The following PCDH15 variants were observed in gnomAD, a reference collection of about 807,000 sequenced individuals.
The protein encoded by PCDH15 is protocadherin related 15.
A neutral mutation model predicts 178.5 loss-of-function variants in PCDH15; 129 were observed. The ratio of observed to expected loss-of-function variants is 0.72; its 90% CI spans 0.63 to 0.84. PCDH15 has a LOEUF of 0.84. Among genes scored for constraint, PCDH15 ranks in the 40% least tolerant of loss-of-function variants. The pLI, the probability that PCDH15 is intolerant of heterozygous loss-of-function variation, is 0.00. For synonymous variants in PCDH15, 800 were observed against 732.0 expected, an observed-to-expected ratio of 1.09 and a Z score of -1.50; for missense variants, 2,230 against 2,099.9, an observed-to-expected ratio of 1.06 and a Z score of -1.21.
chr10:54,170,091 C>T (rs916171443), intron 13 of PCDH15, among the ~76,000 whole-genome samples: 1 of 129,230 alleles, frequency 7.7e-6, no homozygotes, highest in Non-Finnish European at 1.7e-5. Flanking sequence ...CCATCAAGCT[C>T]AGCAAATTAC....
chr10:53,925,090 T>C (rs1484454210), intron 25 of PCDH15, among the ~76,000 whole-genome samples: 1 of 152,158 alleles, frequency 6.6e-6, no homozygotes, highest in Non-Finnish European at 1.5e-5. Context: ...CTGCCCCAGC[T>C]AGCTGTGGCA....
At chr10:54,330,629 C>G (rs1939309860) in intron 6 of PCDH15, among the ~76,000 whole-genome samples, 1 of 151,774 alleles carries the variant, frequency 6.6e-6, no homozygotes, top group African/African-American at 2.4e-5. Context: ...TAGTTAAGTT[C>G]TCTGCCCTGT....
intron 2 of PCDH15, among the ~76,000 whole-genome samples, chr10:54,528,108 A>G (rs1276389012): frequency 6.6e-6 from 1 of 152,088 alleles, no homozygotes; most frequent in Non-Finnish European, 1.5e-5. Flanking sequence ...AATCTTACTG[A>G]GAAAACACCA....
At chr10:55,424,802 A>C (rs142423168) in intron 2 of PCDH15, among the ~76,000 whole-genome samples, 1 of 152,122 alleles carries the variant, frequency 6.6e-6, no homozygotes, top group Non-Finnish European at 1.5e-5. Context: ...AGTGCCAAAC[A>C]TCAATTTCTA....
chr10:54,827,832 G>A (rs1350106209), intron 3 of PCDH15, among the ~76,000 whole-genome samples: 1 of 152,052 alleles, frequency 6.6e-6, no homozygotes, highest in East Asian at 1.9e-4. Flanking sequence ...TTCAATATGA[G>A]TAATTTGGAA....
chr10:55,367,492 G>A (rs1845395770), intron 2 of PCDH15, among the ~76,000 whole-genome samples: 1 of 151,994 alleles, frequency 6.6e-6, no homozygotes, highest in Non-Finnish European at 1.5e-5. Flanking sequence ...GAGGTGGGAA[G>A]GTAACTTGGG....
chr10:54,884,057 A>G (rs1954308906), intron 3 of PCDH15, among the ~76,000 whole-genome samples: 1 of 152,074 alleles, frequency 6.6e-6, no homozygotes, highest in African/African-American at 2.4e-5. Context: ...GTGAGGTAAT[A>G]TCATGAGATT....
At chr10:54,344,904 C>CCAAAAAAAAAAAAAAAAA (rs58908008) in intron 6 of PCDH15, among the ~76,000 whole-genome samples, 1 of 78,888 alleles carries the variant, frequency 1.3e-5, no homozygotes, top group Non-Finnish European at 2.3e-5. Context: ...AGAAACAAAG[C>CCAAAAAAAAAAAAAAAAA]AAAAAAAAAA....
chr10:53,942,039 A>G (rs556838707), intron 23 of PCDH15, among the ~76,000 whole-genome samples: 54 of 152,210 alleles, frequency 3.5e-4, no homozygotes, highest in Non-Finnish European at 6.8e-4. Context: ...TAGGCTTTAT[A>G]AATATCTGGT....
rs1454029449 is a variant in PCDH15, at chr10:55,604,405, G to T, written c.-156+23220C>A. 4.0e-5 allele frequency among the ~76,000 whole-genome samples: 6 copies of T among 151,606 alleles called. No individual in the cohort carries two copies. In the East Asian group the frequency reaches 5.8e-4, roughly 15 times the overall value. On this transcript the variant is annotated intron_variant, in intron 2 of 5. Transcript: ENST00000613346. ...CTGCACCAAGCGGACCTAATAGACAGCTACAGAACTCTCCACCCCATATCA... is the reference window on the plus strand; with the variant it reads ...CTGCACCAAGCGGACCTAATAGACATCTACAGAACTCTCCACCCCATATCA...
intron 2 of PCDH15, among the ~76,000 whole-genome samples, chr10:54,544,444 T>C (rs1343420882): frequency 6.7e-6 from 1 of 148,842 alleles, no homozygotes; most frequent in Non-Finnish European, 1.5e-5. Context: ...TAACATATGA[T>C]GTGGAAAGTT....
chr10:54,336,938 G>C (rs1457635506), intron 6 of PCDH15, among the ~76,000 whole-genome samples: 2 of 152,256 alleles, frequency 1.3e-5, no homozygotes, highest in African/African-American at 4.8e-5. Context: ...CAACAGGGGT[G>C]GAGCTGCCCA....
At chr10:55,368,772 CTT>C (rs1161877944) in intron 2 of PCDH15, among the ~76,000 whole-genome samples, 1 of 151,996 alleles carries the variant, frequency 6.6e-6, no homozygotes, top group Non-Finnish European at 1.5e-5. Flanking sequence ...AAATGACACT[CTT>C]TTGACACTTG....
intron 19 of PCDH15, among the ~76,000 whole-genome samples, chr10:54,022,055 A>T (rs1207577195): frequency 6.6e-6 from 1 of 151,992 alleles, no homozygotes; most frequent in Non-Finnish European, 1.5e-5. Flanking sequence ...TGGAAGGGAT[A>T]CAGAGTCTGG....
chr10:54,419,693 T>C (rs1471690361), intron 3 of PCDH15, among the ~76,000 whole-genome samples: 3 of 152,124 alleles, frequency 2.0e-5, no homozygotes, highest in Non-Finnish European at 4.4e-5. Context: ...CAATGTGCAG[T>C]TATTTCTCCC....
Position 53,857,266 on chromosome 10 carries a change from G to C in PCDH15, c.3718-3C>G, listed in dbSNP as rs755749920. On this transcript the variant is annotated splice_region_variant and splice_polypyrimidine_tract_variant and intron_variant, in intron 27 of 37. Transcript: ENST00000644397. The stretch of plus-strand genomic sequence containing the variant: ...TCCAGCTGATTGACCACGGAGACCT[G>C]AAAGAAGAAAAAACAGAATTCATTT... 24 of 1,605,888 alleles carry C rather than the reference G, an allele frequency of 1.5e-5. No individual in the cohort carries two copies. The highest frequency in any genetic ancestry group is 5.4e-5 in the African/African-American group (4 of 74,556).
chr10:54,739,907 TA>T (rs1944572220), intron 1 of PCDH15, among the ~76,000 whole-genome samples: 1 of 151,976 alleles, frequency 6.6e-6, no homozygotes, highest in Non-Finnish European at 1.5e-5. Flanking sequence ...TACTTAAACG[TA>T]AAACCTAAAC....
chr10:54,532,023 A>G (rs1426569629), intron 2 of PCDH15, among the ~76,000 whole-genome samples: 3 of 152,122 alleles, frequency 2.0e-5, no homozygotes, highest in Non-Finnish European at 4.4e-5. Flanking sequence ...TTTAATTCCT[A>G]AAGAAAAACT....
At chr10:55,101,275 C>T (rs996386313) in intron 2 of PCDH15, among the ~76,000 whole-genome samples, 3 of 151,966 alleles carry the variant, frequency 2.0e-5, no homozygotes, top group South Asian at 2.1e-4. Flanking sequence ...GCTACTACAC[C>T]GGAGGCTGAA....
Sources: gnomAD v4.1 joint callset for allele counts (sites outside exome capture counted in the v4.1 genomes callset) on GRCh38, gnomAD v4.1.1 for gene constraint, MANE v1.5 for transcripts, NCBI Gene and HGNC (gene_info 2026-07-23, HGNC 2026-07-21) for gene names.